CSMD1: variants seen among roughly 807,000 people sequenced by gnomAD.
The protein encoded by CSMD1 is CUB and sushi domain-containing protein 1.
In CSMD1, 213 loss-of-function variants were observed where a neutral mutation model predicts 417.5. The observed-to-expected ratio is 0.51, with a 90% CI of 0.46 to 0.57. CSMD1 has a LOEUF of 0.57. Among genes scored for constraint, CSMD1 ranks in the 20% least tolerant of loss-of-function variants. CSMD1 has a pLI of 0.00. For synonymous variants in CSMD1, 2,862 were observed against 1,736.8 expected (o/e 1.65, Z -16.11); for missense variants, 6,923 against 4,529.7 (o/e 1.53, Z -15.17).
intron 23 of CSMD1, among the ~76,000 whole-genome samples, chr8:3,309,825 C>G (rs949862304): frequency 6.6e-6 from 1 of 152,182 alleles, no homozygotes; most frequent in Non-Finnish European, 1.5e-5. Flanking sequence ...TAATTTTACC[C>G]TGCTGATGTC....
At position 3,718,790 on chromosome 8, in the gene CSMD1, A is replaced by T. The variant is rs559355337; in HGVS notation, c.932-10299T>A. Reference sequence around the variant, plus strand: ...CCTTACCAAATCAGGGACCCCATTTAAATCACGTATTTCCCTGTGATTTAA... The same window carrying T: ...CCTTACCAAATCAGGGACCCCATTTTAATCACGTATTTCCCTGTGATTTAA... On this transcript the variant is annotated intron_variant, in intron 6 of 69. Transcript: ENST00000635120. Among the ~76,000 whole-genome samples, 192 of 152,300 alleles carry T rather than the reference A, an allele frequency of 1.3e-3. 1 individual carries two copies. Among genetic ancestry groups the T allele is most frequent in the Non-Finnish European group, 1.8e-3 (121 of 68,028 alleles).
chr8:3,336,176 T>C (rs11777803), intron 23 of CSMD1, among the ~76,000 whole-genome samples: 21,256 of 152,068 alleles, frequency 0.14, 2,281 homozygotes, highest in African/African-American at 0.3. Context: ...ATAGTAACTG[T>C]GGGGTTTTCA....
intron 25 of CSMD1, 130 bp from the exon 26 acceptor site, chr8:3,284,476 T>G (rs568954833): frequency 1.5e-6 from 1 of 676,780 alleles, no homozygotes; most frequent in South Asian, 1.8e-5. Flanking sequence ...ACTTACTGTC[T>G]GACAATGAAG....
chr8:4,494,025 C>A (rs1036617371), intron 2 of CSMD1, among the ~76,000 whole-genome samples: 1 of 152,058 alleles, frequency 6.6e-6, no homozygotes, highest in Non-Finnish European at 1.5e-5. Flanking sequence ...ACCTCAGAGG[C>A]CCTGGGGGAA....
chr8:4,172,884 C>T (rs1797845079), intron 3 of CSMD1, among the ~76,000 whole-genome samples: 2 of 152,202 alleles, frequency 1.3e-5, no homozygotes, highest in Admixed American at 1.3e-4. Context: ...GGGAGCCCAG[C>T]CCATTCCAGG....
intron 1 of CSMD1, among the ~76,000 whole-genome samples, chr8:4,959,369 C>A (rs1252251593): frequency 1.3e-5 from 2 of 152,114 alleles, no homozygotes; most frequent in African/African-American, 4.8e-5. Context: ...GGTGGCAATC[C>A]CCAACCAGGC....
chr8:4,047,697 T>C (rs1359597205), intron 3 of CSMD1, among the ~76,000 whole-genome samples: 1 of 152,016 alleles, frequency 6.6e-6, no homozygotes, highest in Non-Finnish European at 1.5e-5. Flanking sequence ...AAAATAAAAT[T>C]TGTAATAGCT....
chr8:3,348,132 C>T lies in CSMD1; in HGVS notation c.3334G>A (p.Glu1112Lys). 6.2e-7 allele frequency: 1 copy of T among 1,612,300 alleles called. No individual in the cohort carries two copies. Among genetic ancestry groups the T allele is most frequent in the South Asian group, 1.1e-5 (1 of 90,646 alleles). The part of the protein sequence containing the change: ...AECGASVKGN[E>K]GTLLSPNFPS... ...AAATTTGGAGACAGTAATGTTCCTT[C>T]ATTTCCTTTGACACTTGCTCCACAT... The change falls in exon 22 of 70, where the codon GAA (glutamate) becomes AAA (lysine). Residue 1112 changes from glutamate to lysine, a missense_variant. Transcript: ENST00000635120.
At chr8:3,834,791 T>C (rs924836162) in intron 5 of CSMD1, among the ~76,000 whole-genome samples, 2 of 151,668 alleles carry the variant, frequency 1.3e-5, no homozygotes, top group Admixed American at 1.3e-4. Context: ...ACCTACAAAA[T>C]GGGAGAAAAT....
chr8:4,033,270 C>G (rs1350674388), intron 3 of CSMD1, among the ~76,000 whole-genome samples: 1 of 151,758 alleles, frequency 6.6e-6, no homozygotes, highest in Non-Finnish European at 1.5e-5. Flanking sequence ...GAAACCCTGT[C>G]TCTACTAAAA....
chr8:3,241,824 G>A (rs754596752), intron 26 of CSMD1, among the ~76,000 whole-genome samples: 1 of 152,046 alleles, frequency 6.6e-6, no homozygotes, highest in Non-Finnish European at 1.5e-5. Flanking sequence ...GTTGCTTCTT[G>A]GCTGCCTCTA....
At chr8:3,236,916 A>G (rs1799185701) in intron 26 of CSMD1, among the ~76,000 whole-genome samples, 1 of 152,106 alleles carries the variant, frequency 6.6e-6, no homozygotes, top group African/African-American at 2.4e-5. Context: ...GTTCCCTGGA[A>G]AATCTCAAGT....
intron 1 of CSMD1, among the ~76,000 whole-genome samples, chr8:4,831,585 C>T (rs1366901917): frequency 6.6e-6 from 1 of 152,032 alleles, no homozygotes; most frequent in East Asian, 1.9e-4. Context: ...AATGTCATGC[C>T]AAGGTTTGTT....
At chr8:3,357,750 T>C (rs1405426055) in intron 21 of CSMD1, among the ~76,000 whole-genome samples, 2 of 152,086 alleles carry the variant, frequency 1.3e-5, no homozygotes, top group Non-Finnish European at 2.9e-5. Context: ...ACTCCTATGA[T>C]CACCTGCAAA....
intron 8 of CSMD1, among the ~76,000 whole-genome samples, chr8:3,606,042 T>C (rs931350122): frequency 6.6e-6 from 1 of 152,164 alleles, no homozygotes; most frequent in Non-Finnish European, 1.5e-5. Context: ...AATCACATGA[T>C]TGTAATGAGA....
At chr8:3,896,048 G>T (rs977539773) in intron 5 of CSMD1, among the ~76,000 whole-genome samples, 2 of 152,214 alleles carry the variant, frequency 1.3e-5, no homozygotes, top group East Asian at 3.8e-4. Flanking sequence ...TGACTGCGGA[G>T]CGCTGGACTC....
intron 19 of CSMD1, among the ~76,000 whole-genome samples, chr8:3,367,639 AG>A (rs1563317079): frequency 1.3e-5 from 2 of 152,352 alleles, no homozygotes; most frequent in Admixed American, 6.5e-5. Context: ...AATGAAAAAA[AG>A]CAGAAGGGAT....
At chr8:4,121,599 CAT>C (rs1802491121) in intron 3 of CSMD1, among the ~76,000 whole-genome samples, 1 of 143,906 alleles carries the variant, frequency 6.9e-6, no homozygotes, top group Admixed American at 7.0e-5. Flanking sequence ...AGAAGTAAAT[CAT>C]GTGCATAAAC....
intron 3 of CSMD1, among the ~76,000 whole-genome samples, chr8:4,104,968 G>A (rs567093328): frequency 2.7e-5 from 4 of 150,196 alleles, no homozygotes; most frequent in East Asian, 2.0e-4. Flanking sequence ...CTGCCAATTC[G>A]ATCATAATAG....
Sources: allele counts gnomAD v4.1 joint callset (sites outside exome capture counted in the v4.1 genomes callset), GRCh38; gene constraint gnomAD v4.1.1; transcripts MANE v1.5; gene names NCBI Gene and HGNC (gene_info 2026-07-23, HGNC 2026-07-21).